SDHAF2: variants seen among roughly 807,000 people sequenced by gnomAD.
The protein encoded by SDHAF2 is succinate dehydrogenase complex assembly factor 2.
SDHAF2 carries 21 observed loss-of-function variants against 18.5 expected under a neutral mutation model. The observed-to-expected ratio is 1.13, with a 90% CI of 0.80 to 1.63. The LOEUF is 1.63. Ranked by LOEUF, SDHAF2 falls within the 40% of genes most tolerant of loss-of-function variation. SDHAF2 has a pLI of 0.00. For synonymous variants in SDHAF2, 84 were observed against 70.7 expected (o/e 1.19, Z -0.94); for missense variants, 195 against 200.3 (o/e 0.97, Z 0.16).
chr11:61,441,273 C>G (rs1310875457), intron 3 of SDHAF2, among the ~76,000 whole-genome samples: 1 of 152,156 alleles, frequency 6.6e-6, no homozygotes, highest in Non-Finnish European at 1.5e-5. Flanking sequence ...TGGCTCACGC[C>G]TGTAATCCCA....
At chr11:61,442,973 T>C (rs3018735) in intron 3 of SDHAF2, among the ~76,000 whole-genome samples, 109,695 of 152,208 alleles carry the variant, frequency 0.72, 43,279 homozygotes, top group East Asian at 0.97. Context: ...CAGGCTGGGC[T>C]TGAACTCCTG....
chr11:61,432,394 A>G (rs993478626), intron 1 of SDHAF2: 1 of 152,256 alleles, frequency 6.6e-6, no homozygotes, highest in Non-Finnish European at 1.5e-5. Flanking sequence ...ATCTACACAC[A>G]TACTTCCATA....
chr11:61,435,311 A>C (rs1861980021), intron 1 of SDHAF2: 3 of 152,130 alleles, frequency 2.0e-5, no homozygotes, highest in Non-Finnish European at 4.4e-5. Context: ...TCAAGTTCTC[A>C]ATGTTCCAAA....
chr11:61,432,980 T>C (rs1861950654), intron 1 of SDHAF2: 1 of 151,994 alleles, frequency 6.6e-6, no homozygotes, highest in Admixed American at 6.5e-5. Flanking sequence ...GTGACTTACA[T>C]ACCACAGTTA....
At chr11:61,430,567 C>A in intron 1 of SDHAF2, 1 of 312,924 alleles carries the variant, frequency 3.2e-6, no homozygotes, top group Non-Finnish European at 5.9e-6. Flanking sequence ...TATAATTGTA[C>A]GTGTTTATGG....
At chr11:61,438,168 G>C (rs1439340022) in intron 3 of SDHAF2, 55 bp downstream of exon 3, 6 of 1,330,654 alleles carry the variant, frequency 4.5e-6, no homozygotes, top group Non-Finnish European at 6.5e-6. Context: ...AGGCTGATTT[G>C]AGTCTAGAAT....
intron 1 of SDHAF2, chr11:61,432,230 A>G (rs987737913): frequency 2.4e-4 from 37 of 152,170 alleles, no homozygotes; most frequent in African/African-American, 8.4e-4. Context: ...CAGCCTGGGC[A>G]TTGGAAGTGA....
chr11:61,445,142 C>T (rs965909738), intron 3 of SDHAF2, among the ~76,000 whole-genome samples: 4 of 152,152 alleles, frequency 2.6e-5, no homozygotes, highest in Non-Finnish European at 2.9e-5. Context: ...CTCCTGGCGT[C>T]GTACCTAGTG....
At chr11:61,441,453 G>A (rs528974968) in intron 3 of SDHAF2, among the ~76,000 whole-genome samples, 2 of 151,304 alleles carry the variant, frequency 1.3e-5, no homozygotes, top group African/African-American at 2.4e-5. Flanking sequence ...CCAGGGAGTC[G>A]GAGGTTGCAG....
At chr11:61,437,167 A>G (rs896832) in intron 1 of SDHAF2, among the ~76,000 whole-genome samples, 129,142 of 152,184 alleles carry the variant, frequency 0.85, 54,945 homozygotes, top group East Asian at 0.98. Context: ...TTCCTTGGCT[A>G]TAAAGTGGGG....
rs151040226 is a variant in SDHAF2 at position 61,438,093 on chromosome 11, A to G, written c.350A>G (p.Asp117Gly). 9 of 1,613,106 alleles carry G rather than the reference A, an allele frequency of 5.6e-6. No individual in the cohort carries two copies. The highest frequency in any genetic ancestry group is 7.6e-6 in the Non-Finnish European group (9 of 1,179,198). The change falls in exon 3 of 4, where the codon GAT (aspartate) becomes GGT (glycine). Residue 117 changes from aspartate (D) to glycine (G), a missense_variant. By Grantham distance (94) the Asp-to-Gly change is moderately conservative (BLOSUM62 -1). Transcript: ENST00000301761. ...RLINEPSNDW[D>G]IYYWATEAKP... is the part of the protein sequence containing the mutation. ...ATTAACGAGCCTAGTAATGACTGGG[A>G]TATTTACTACTGGGCCACAGGTACT...
At chr11:61,437,137 G>T (rs183437409) in intron 1 of SDHAF2, among the ~76,000 whole-genome samples, 3 of 152,294 alleles carry the variant, frequency 2.0e-5, no homozygotes, top group East Asian at 3.9e-4. Flanking sequence ...GTGAGTTATT[G>T]AACCTTCCTG....
intron 1 of SDHAF2, among the ~76,000 whole-genome samples, chr11:61,436,301 C>T (rs991274156): frequency 3.3e-5 from 5 of 152,032 alleles, no homozygotes; most frequent in African/African-American, 1.2e-4. Context: ...GAAACCAGTC[C>T]CCCAGAGAGC....
At chr11:61,439,838 T>A (rs2943805) in intron 3 of SDHAF2, among the ~76,000 whole-genome samples, 1 of 152,134 alleles carries the variant, frequency 6.6e-6, no homozygotes, top group African/African-American at 2.4e-5. Context: ...CTGTTCATCT[T>A]TTGACCAGCT....
At chr11:61,442,333 AC>A (rs1162388765) in intron 3 of SDHAF2, among the ~76,000 whole-genome samples, 13 of 152,042 alleles carry the variant, frequency 8.6e-5, no homozygotes, top group Non-Finnish European at 1.6e-4. Context: ...CTGGGTTTGG[AC>A]TTTGGTTTTG....
intron 3 of SDHAF2, among the ~76,000 whole-genome samples, chr11:61,444,745 C>CA (rs1011148527): frequency 1.5e-4 from 22 of 148,620 alleles, no homozygotes; most frequent in African/African-American, 4.7e-4. Flanking sequence ...TCGTCTCAAA[C>CA]AAAAAAAAAA....
chr11:61,431,435 AGTGCTGGGATTACTG>A (rs1448771154), intron 1 of SDHAF2: 1 of 152,222 alleles, frequency 6.6e-6, no homozygotes, highest in African/African-American at 2.4e-5. Flanking sequence ...CTTTCCAAAA[AGTGCTGGGATTACTG>A]GTGTGATCCA....
chr11:61,430,451 GA>G, intron 1 of SDHAF2: 1 of 549,652 alleles, frequency 1.8e-6, no homozygotes, highest in Non-Finnish European at 3.2e-6. Context: ...TCCCAGGCGG[GA>G]TTAGCCCAAC....
intron 3 of SDHAF2, 143 bp downstream of exon 3, chr11:61,438,256 A>G (rs750841895): frequency 1.4e-6 from 1 of 711,622 alleles, no homozygotes; most frequent in Non-Finnish European, 2.5e-6. Context: ...CTGGAGTGCA[A>G]TGGCATGATC....
Sources: gnomAD v4.1 joint callset for allele counts (sites outside exome capture counted in the v4.1 genomes callset) on GRCh38, gnomAD v4.1.1 for gene constraint, MANE v1.5 for transcripts, NCBI Gene and HGNC (gene_info 2026-07-23, HGNC 2026-07-21) for gene names.